The following PCDHGA5 variants were observed in gnomAD, a reference collection of about 807,000 sequenced individuals.
PCDHGA5 encodes protocadherin gamma subfamily A, 5, also known as protocadherin gamma-A5.
PCDHGA5 carries 36 observed loss-of-function variants against 56.7 expected under a neutral mutation model. That is an observed-to-expected ratio of 0.64 (90% CI 0.49 to 0.84). The LOEUF (loss-of-function observed/expected upper bound fraction) is 0.84. PCDHGA5 is among the 40% of genes least tolerant of loss of function. PCDHGA5 has a pLI of 0.00. For missense variants in PCDHGA5, 1,305 were observed against 1,201.5 expected (o/e 1.09, Z -1.27); for synonymous variants, 563 against 520.2 (o/e 1.08, Z -1.12).
At chr5:141,405,385 A>G in intron 1 of PCDHGA5, 1 of 1,600,058 alleles carries the variant, frequency 6.2e-7, no homozygotes, top group Non-Finnish European at 8.5e-7. Flanking sequence ...CGGTGAGTTC[A>G]TTTTTTTTCT....
chr5:141,430,957 C>T (rs771551541), intron 1 of PCDHGA5: 42 of 1,611,532 alleles, frequency 2.6e-5, no homozygotes, highest in Middle Eastern at 3.3e-4. Context: ...GAGTCCGCAT[C>T]ATCCCCAGAG....
intron 1 of PCDHGA5, chr5:141,418,140 A>C (rs1487263767): frequency 6.2e-7 from 1 of 1,613,986 alleles, no homozygotes; most frequent in African/African-American, 1.3e-5. Context: ...GACCGTGAGC[A>C]AATATGCAAA....
Position 141,485,813 on chromosome 5 carries a change from G to A in PCDHGA5, c.2422-8994G>A. The A allele has an allele frequency of 1.9e-6, 3 of 1,614,078 alleles. No individual in the cohort carries two copies. Among genetic ancestry groups the A allele is most frequent in the Non-Finnish European group, 2.5e-6 (3 of 1,180,008 alleles). On this transcript the variant is annotated intron_variant, in intron 1 of 3. Coordinates refer to ENST00000518069, the MANE Select transcript of PCDHGA5 (RefSeq NM_018918.3). This position sits in a 1 kb window ranked among gnomAD's most constrained non-coding sequence, Gnocchi z 5.7. ...ATCGGACTACCGCCTGGTGCTGACT[G>A]CTGTCGATGGAGGGAACCCGCCGAG... is the stretch of plus-strand genomic sequence containing the variant.
intron 1 of PCDHGA5, chr5:141,478,583 C>G: frequency 6.3e-7 from 1 of 1,578,146 alleles, no homozygotes; most frequent in Non-Finnish European, 8.6e-7. Context: ...CCTGTTAGTG[C>G]TTTTTTATTC....
chr5:141,375,075 C>A lies in PCDHGA5; in HGVS notation c.2421+8324C>A. The stretch of plus-strand genomic sequence containing the variant: ...GATGGGCCAGGTCTTCGAGACAGAG[C>A]GAAAGTCTTAATAACTATCTTGGAT... On this transcript the variant is annotated intron_variant, in intron 1 of 3. Transcript: ENST00000518069. 4 of 1,613,926 alleles carry A rather than the reference C, an allele frequency of 2.5e-6. No individual in the cohort carries two copies. The highest frequency in any genetic ancestry group is 1.6e-4 in the Middle Eastern group (1 of 6,062).
At chr5:141,377,892 C>T (rs1387473486) in intron 1 of PCDHGA5, 1 of 152,170 alleles carries the variant, frequency 6.6e-6, no homozygotes, top group Non-Finnish European at 1.5e-5. Context: ...TAGGATCCCC[C>T]TCTGTTGCCC....
intron 1 of PCDHGA5, chr5:141,484,855 G>T (rs1178318896): frequency 3.9e-6 from 1 of 257,336 alleles, no homozygotes; most frequent in East Asian, 8.3e-5. Context: ...GTTTTTTGGG[G>T]GGTGGGGGAG....
chr5:141,463,086 GC>G (rs1171354311), intron 1 of PCDHGA5, among the ~76,000 whole-genome samples: 1 of 152,098 alleles, frequency 6.6e-6, no homozygotes, highest in African/African-American at 2.4e-5. Context: ...ACATTTTCCA[GC>G]CCTATGTGAC....
intron 3 of PCDHGA5, among the ~76,000 whole-genome samples, chr5:141,509,693 G>A (rs72790076): frequency 0.024 from 3,613 of 152,246 alleles, 55 homozygotes; most frequent in East Asian, 0.046. Flanking sequence ...ACAGTGGGAC[G>A]TTGGACTGGA....
chr5:141,474,628 A>C (rs1169097645), intron 1 of PCDHGA5, among the ~76,000 whole-genome samples: 1 of 152,234 alleles, frequency 6.6e-6, no homozygotes, highest in Non-Finnish European at 1.5e-5. Flanking sequence ...TCTCTTCCGG[A>C]AATATCCTAT....
At chr5:141,394,769 C>A in intron 1 of PCDHGA5, 1 of 1,613,514 alleles carries the variant, frequency 6.2e-7, no homozygotes, top group African/African-American at 1.3e-5. Context: ...ATGGCCAGCC[C>A]CCTCTCTCCG....
rs148240637 is a variant in PCDHGA5, at chr5:141,383,750, T to A, written c.2421+16999T>A. On this transcript the variant is annotated intron_variant, in intron 1 of 3. Transcript: ENST00000518069. ...GAAGTGACATATTCTTTTCGGAAAA[T>A]AACTCCTAAACTTCCAAAGATGTTT... 1.9e-3 allele frequency: 3,008 copies of A among 1,613,910 alleles called. 48 individuals are homozygous for A. In the African/African-American group the frequency reaches 0.033, roughly 18 times the overall value.
chr5:141,397,820 C>G (rs2093573235), intron 1 of PCDHGA5, among the ~76,000 whole-genome samples: 1 of 152,240 alleles, frequency 6.6e-6, no homozygotes, highest in Non-Finnish European at 1.5e-5. Flanking sequence ...AAAACAATTA[C>G]TGCACTGGTT....
chr5:141,382,699 G>C lies in PCDHGA5; in HGVS notation c.2421+15948G>C, dbSNP rs6876944. The stretch of plus-strand genomic sequence containing the variant: ...CCAACCAGGGAAAAATGGTGCGAGA[G>C]ATCCCACAGAAACCACCGAGTTTTA... On this transcript the variant is annotated intron_variant, in intron 1 of 3. Transcript: ENST00000518069. 3,018 of 458,814 alleles carry C rather than the reference G, an allele frequency of 6.6e-3. 90 individuals carry two copies. Among genetic ancestry groups the C allele is most frequent in the African/African-American group, 0.053 (2,693 of 50,344 alleles). 28.4% of individuals were successfully genotyped at this position (458,814 alleles called of 1,614,324 possible).
intron 1 of PCDHGA5, chr5:141,492,013 T>G: frequency 1.6e-6 from 1 of 610,970 alleles, no homozygotes; most frequent in Non-Finnish European, 2.7e-6. Context: ...TCCGCGGGTG[T>G]CGGGGGTCCC....
chr5:141,478,040 C>G (rs773058963), intron 1 of PCDHGA5: 1 of 1,614,160 alleles, frequency 6.2e-7, no homozygotes, highest in Non-Finnish European at 8.5e-7. Context: ...TTCACCCAGG[C>G]AGACTCTCAC....
chr5:141,399,611 T>A, intron 1 of PCDHGA5: 2 of 1,613,930 alleles, frequency 1.2e-6, no homozygotes, highest in Non-Finnish European at 1.7e-6. Flanking sequence ...CTAGAGCCTC[T>A]GGCACTGGCC....
rs1292946472 is a variant in PCDHGA5 at position 141,382,951 on chromosome 5, A to G, written c.2421+16200A>G. 2 of 1,600,898 alleles carry G rather than the reference A, an allele frequency of 1.2e-6. No homozygotes were observed. The highest frequency in any genetic ancestry group is 1.7e-6 in the Non-Finnish European group (2 of 1,171,390). On this transcript the variant is annotated intron_variant, in intron 1 of 3. Coordinates refer to ENST00000518069, the MANE Select transcript of PCDHGA5 (RefSeq NM_018918.3). ...CTACAGAGGATTCTTCCTGCTCTCCATCCTCCTGGGGACCCCCTGGGAAGC... is the reference window on the plus strand; with the variant it reads ...CTACAGAGGATTCTTCCTGCTCTCCGTCCTCCTGGGGACCCCCTGGGAAGC...
rs149649459 is a variant in PCDHGA5, at chr5:141,505,183, G to A, written c.2481-210G>A. ...TCTAAAACAAAAAGAAAAAAGCATC[G>A]GAGGCAGCAAAGAGCTGGTTTGAGG... On this transcript the variant is annotated intron_variant, in intron 2 of 3. Transcript: ENST00000518069. Among the ~76,000 whole-genome samples, 214 of 152,244 alleles carry A rather than the reference G, an allele frequency of 1.4e-3. 1 individual carries two copies. Among genetic ancestry groups the A allele is most frequent in the African/African-American group, 4.8e-3 (200 of 41,530 alleles).
Sources: gnomAD v4.1 joint callset for allele counts (sites outside exome capture counted in the v4.1 genomes callset) on GRCh38, gnomAD v4.1.1 for gene constraint, Gnocchi (gnomAD v3.1) non-coding constraint, MANE v1.5 for transcripts, NCBI Gene and HGNC (gene_info 2026-07-23, HGNC 2026-07-21) for gene names.